Variants in A2ML1 observed in about 807,000 individuals in gnomAD.
The protein encoded by A2ML1 is alpha-2-macroglobulin like 1, also known as alpha-2-macroglobulin-like protein 1.
Under a neutral mutation model 181.9 loss-of-function variants are expected in A2ML1, and 161 were observed. The ratio of observed to expected loss-of-function variants is 0.89; its 90% CI spans 0.78 to 1.01. A2ML1 has a LOEUF of 1.01. Among genes scored for constraint, A2ML1 ranks in the 50% least tolerant of loss-of-function variants. The pLI is 0.00. For missense variants in A2ML1, 1,670 were observed against 1,768.1 expected (o/e 0.94, Z 1.00); for synonymous variants, 663 against 666.8 (o/e 0.99, Z 0.09).
Position 8,847,501 on chromosome 12 carries a change from C to T in A2ML1, c.1684-48C>T, listed in dbSNP as rs2136848420. 5.2e-6 allele frequency: 8 copies of T among 1,540,944 alleles called. No individual in the cohort carries two copies. The East Asian group carries it at 6.9e-5, about 13-fold the overall frequency. ...TGACCCAAATTATGTTGTTTCCCTT[C>T]CTTTCCAGGCTGACCTGATCCCCAA... is the stretch of plus-strand genomic sequence containing the variant. On this transcript the variant is annotated intron_variant, in intron 14 of 35. Transcript: ENST00000299698.
At chr12:8,850,135 G>A (rs1235894870) in intron 17 of A2ML1, 25 bp from the exon 18 acceptor site, 2 of 1,565,984 alleles carry the variant, frequency 1.3e-6, no homozygotes, top group Admixed American at 1.9e-5. Context: ...GTTTCCTAAA[G>A]TTTTCGTATT....
At chr12:8,842,413 G>A (rs1230774016) in intron 11 of A2ML1, among the ~76,000 whole-genome samples, 2 of 151,766 alleles carry the variant, frequency 1.3e-5, no homozygotes, top group Non-Finnish European at 2.9e-5. Context: ...TAGAGATGGG[G>A]TTTCACTGTG....
At chr12:8,850,406 GA>G (rs1943849741) in intron 18 of A2ML1, 132 bp downstream of exon 18, 1 of 522,860 alleles carries the variant, frequency 1.9e-6, no homozygotes, top group African/African-American at 2.0e-5. Flanking sequence ...GCAACATAAT[GA>G]GCTTCTGTCT....
intron 12 of A2ML1, among the ~76,000 whole-genome samples, chr12:8,843,721 CTTTT>C (rs756360339): frequency 7.5e-6 from 1 of 133,606 alleles, no homozygotes; most frequent in Non-Finnish European, 1.6e-5. Context: ...CTTTTTTTTT[CTTTT>C]TTTTTTTTTT....
At chr12:8,823,043 T>C in intron 1 of A2ML1, 139 bp from the exon 2 acceptor site, 1 of 863,658 alleles carries the variant, frequency 1.2e-6, no homozygotes, top group South Asian at 1.7e-5. Context: ...CTCTGCTTCT[T>C]GTAGAAAATG....
chr12:8,844,614 T>TC lies in A2ML1; in HGVS notation c.1477-826dup, dbSNP rs773018723. 4.6e-5 allele frequency among the ~76,000 whole-genome samples: 7 copies of TC among 152,142 alleles called. No homozygotes were observed. In the East Asian group the frequency reaches 1.4e-3, roughly 29 times the overall value. On this transcript the variant is annotated intron_variant, in intron 12 of 35. Transcript: ENST00000299698. ...GTTTGATGGCTCGGAGCCTCTTTGT[T>TC]CCGTTATCCTCCTGTCAGTCTATGA...
At chr12:8,840,883 G>A (rs182144848) in intron 10 of A2ML1, among the ~76,000 whole-genome samples, 12 of 150,892 alleles carry the variant, frequency 8.0e-5, no homozygotes, top group Admixed American at 3.3e-4. Flanking sequence ...CTCCAGCCTG[G>A]GCGACAGACT....
chr12:8,860,742 TGGAAAAAAGA>T, intron 26 of A2ML1, 129 bp from the exon 27 acceptor site: 2 of 715,790 alleles, frequency 2.8e-6, no homozygotes, highest in Non-Finnish European at 2.3e-6. Context: ...AGAAAGCCTG[TGGAAAAAAGA>T]GCTTTCTTTT....
chr12:8,868,629 T>G lies in A2ML1; in HGVS notation c.4152+2T>G, dbSNP rs759511083. ...CCCATGGAGGGCACCAATCAGTTAG[T>G]AAGTTACTTCTGTTTTCTTCATTTA... On this transcript the variant is annotated splice_donor_variant, in intron 32 of 35. Transcript: ENST00000299698. LOFTEE classifies it high-confidence loss of function. 2.5e-6 allele frequency: 4 copies of G among 1,613,004 alleles called. No homozygotes were observed. In the South Asian group the frequency reaches 3.3e-5, roughly 13 times the overall value.
chr12:8,860,784 T>C (rs907083893), intron 26 of A2ML1, 97 bp from the exon 27 acceptor site: 159 of 977,390 alleles, frequency 1.6e-4, no homozygotes, highest in Non-Finnish European at 2.2e-4. Context: ...TTAAAAATTA[T>C]TCATCTATTC....
chr12:8,872,508 G>A (rs764870174), intron 33 of A2ML1, among the ~76,000 whole-genome samples: 17 of 151,942 alleles, frequency 1.1e-4, no homozygotes, highest in Admixed American at 2.6e-4. Flanking sequence ...CTGGCCAGGC[G>A]TGGTGGCTCA....
At chr12:8,872,552 C>T (rs916306413) in intron 33 of A2ML1, among the ~76,000 whole-genome samples, 1 of 151,892 alleles carries the variant, frequency 6.6e-6, no homozygotes, top group Non-Finnish European at 1.5e-5. Context: ...GAGGCCGAGG[C>T]GGGTGGATCA....
chr12:8,884,763 G>C (rs931137291), intron 7 of A2ML1, among the ~76,000 whole-genome samples: 4 of 152,202 alleles, frequency 2.6e-5, no homozygotes, highest in Non-Finnish European at 5.9e-5. Flanking sequence ...ATGTTGGCCA[G>C]GCTGGTGGGA....
intron 32 of A2ML1, 68 bp from the exon 33 acceptor site, chr12:8,869,067 G>T: frequency 6.7e-7 from 1 of 1,487,192 alleles, no homozygotes; most frequent in Non-Finnish European, 9.4e-7. Flanking sequence ...TCATGGCAGA[G>T]CTTTGGAAGA....
chr12:8,867,519 C>T (rs775203261), intron 29 of A2ML1, among the ~76,000 whole-genome samples: 3 of 152,022 alleles, frequency 2.0e-5, no homozygotes, highest in South Asian at 2.1e-4. Context: ...TGGTGGCACA[C>T]GCCTGTAATC....
At chr12:8,862,044 G>C (rs1271171757) in intron 28 of A2ML1, among the ~76,000 whole-genome samples, 6 of 152,134 alleles carry the variant, frequency 3.9e-5, no homozygotes, top group Non-Finnish European at 7.4e-5. Flanking sequence ...ACAGGCGTGA[G>C]CCACCATGCC....
intron 3 of A2ML1, among the ~76,000 whole-genome samples, chr12:8,827,518 A>T (rs1203292340): frequency 6.6e-6 from 1 of 151,886 alleles, no homozygotes; most frequent in Non-Finnish European, 1.5e-5. Flanking sequence ...GTTATCTAAA[A>T]TTTTGTTGAG....
In A2ML1 at chr12:8,848,873, C is replaced by T. The variant is rs1943793202; in HGVS notation, c.1987C>T (p.Pro663Ser). 1.2e-6 allele frequency: 2 copies of T among 1,613,934 alleles called. No homozygotes were observed. The highest frequency in any genetic ancestry group is 2.2e-5 in the South Asian group (2 of 91,048). The change falls in exon 16 of 36, where the codon CCC becomes TCC. Residue 663 changes from proline (P) to serine (S), a missense_variant. By Grantham distance (74) the Pro-to-Ser change is moderately conservative (BLOSUM62 -1). Transcript: ENST00000299698. ...HSSQRSIIWR[P>S]SFSEGTDLFS... ...GAGCCAGCGTTCCATTATCTGGAGG[C>T]CCTCGTTCTCTGAAGGCACGGACCT...
At position 8,847,568 on chromosome 12, in the gene A2ML1, C is replaced by T. The variant is rs377555263; in HGVS notation, c.1703C>T (p.Pro568Leu). The T allele has an allele frequency of 1.9e-6, 3 of 1,611,940 alleles. No individual in the cohort carries two copies. The highest frequency in any genetic ancestry group is 2.2e-5 in the East Asian group (1 of 44,756). ...FDNQVSLGFS[P>L]SQQLPGAEVE... is the part of the protein sequence containing the mutation. ...CCCCAGGTTTCCCTTGGCTTCTCCC[C>T]CTCCCAGCAGCTTCCAGGAGCAGAA... The change falls in exon 15 of 36, where the codon CCC (proline) becomes CTC (leucine). Residue 568 changes from proline (P) to leucine (L), a missense_variant. Coordinates refer to ENST00000299698, the MANE Select transcript of A2ML1 (RefSeq NM_144670.6).
Sources: allele counts gnomAD v4.1 joint callset (sites outside exome capture counted in the v4.1 genomes callset), GRCh38; gene constraint gnomAD v4.1.1; transcripts MANE v1.5; gene names NCBI Gene and HGNC (gene_info 2026-07-23, HGNC 2026-07-21).